Variants in CDH23 observed in about 807,000 individuals in gnomAD.
CDH23 encodes cadherin-23.
Under a neutral mutation model 317.1 loss-of-function variants are expected in CDH23, and 189 were observed. The ratio of observed to expected loss-of-function variants is 0.60; its 90% CI spans 0.53 to 0.67. The LOEUF is 0.67. CDH23 is among the 30% of genes least tolerant of loss of function. The probability of loss-of-function intolerance (pLI) is 0.00; values close to 1 mark genes in which losing one functional copy is unlikely to be tolerated. For synonymous variants in CDH23, 1,839 were observed against 1,876.8 expected, an observed-to-expected ratio of 0.98 and a Z score of 0.52; for missense variants, 4,401 against 4,592.4, an observed-to-expected ratio of 0.96 and a Z score of 1.20.
chr10:71,768,405 A>C (rs1840606942), intron 38 of CDH23, among the ~76,000 whole-genome samples: 1 of 152,038 alleles, frequency 6.6e-6, no homozygotes. Context: ...TCCTGACCTC[A>C]TGTGATCCAC....
At chr10:71,754,598 G>A (rs575313564) in intron 38 of CDH23, among the ~76,000 whole-genome samples, 2 of 152,276 alleles carry the variant, frequency 1.3e-5, no homozygotes, top group Non-Finnish European at 2.9e-5. Context: ...GGAGGTGAAA[G>A]ATGTTTGTGC....
chr10:71,613,868 T>C (rs997862426), intron 9 of CDH23, among the ~76,000 whole-genome samples: 6 of 152,206 alleles, frequency 3.9e-5, no homozygotes, highest in Non-Finnish European at 8.8e-5. Context: ...TCTTCCTCAG[T>C]CCTGCCCATT....
At chr10:71,461,633 A>C (rs1161976375) in intron 3 of CDH23, among the ~76,000 whole-genome samples, 1 of 152,208 alleles carries the variant, frequency 6.6e-6, no homozygotes, top group Non-Finnish European at 1.5e-5. Flanking sequence ...TGCACGGTCC[A>C]TCACCTCACA....
chr10:71,556,316 G>A (rs1856873324), intron 6 of CDH23, among the ~76,000 whole-genome samples: 1 of 152,116 alleles, frequency 6.6e-6, no homozygotes, highest in South Asian at 2.1e-4. Flanking sequence ...AAAGGGAGGA[G>A]GCAGCTGGGC....
At chr10:71,577,228 G>A (rs1858275069) in intron 8 of CDH23, among the ~76,000 whole-genome samples, 4 of 151,992 alleles carry the variant, frequency 2.6e-5, no homozygotes, top group Admixed American at 2.6e-4. Flanking sequence ...CGTTCCCCTG[G>A]CTTCCTATAC....
intron 19 of CDH23, among the ~76,000 whole-genome samples, chr10:71,688,117 G>A (rs139352571): frequency 6.8e-4 from 104 of 152,288 alleles, no homozygotes; most frequent in African/African-American, 2.1e-3. Context: ...GCCTTACAGC[G>A]GGGCATGTGT....
At chr10:71,433,703 G>A (rs926321516) in intron 1 of CDH23, among the ~76,000 whole-genome samples, 2 of 149,426 alleles carry the variant, frequency 1.3e-5, no homozygotes, top group African/African-American at 2.4e-5. Context: ...CTAGCTAATG[G>A]CAATGCCATC....
In CDH23 at chr10:71,712,803, G is replaced by A. The variant is rs1866032147; in HGVS notation, c.3359G>A (p.Ser1120Asn). 1.9e-6 allele frequency: 3 copies of A among 1,611,986 alleles called. No homozygotes were observed. The highest frequency in any genetic ancestry group is 2.5e-6 in the Non-Finnish European group (3 of 1,179,368). Residue 1120 changes from serine (S) to asparagine (N), a missense_variant, in exon 28 of 70, where the codon AGC becomes AAC. By Grantham distance (46) the Ser-to-Asn change is conservative (BLOSUM62 1). Coordinates refer to ENST00000224721, the MANE Select transcript of CDH23 (RefSeq NM_022124.6). ...CCTGAGGACATCCCTGAAGGCCACA[G>A]CATCTTGCAGGCAGGTGGCCCGTGG... ...SVPEDIPEGH[S>N]ILQLKATDAD... is the part of the protein sequence containing the mutation.
At chr10:71,730,654 CCCCAGCTCA>C in intron 31 of CDH23, 50 bp downstream of exon 31, 1 of 1,605,744 alleles carries the variant, frequency 6.2e-7, no homozygotes, top group Non-Finnish European at 8.5e-7. Flanking sequence ...GAGCAAACCT[CCCCAGCTCA>C]CCCAGCCCCT....
chr10:71,706,589 T>A (rs541712439), intron 25 of CDH23, among the ~76,000 whole-genome samples: 14 of 152,338 alleles, frequency 9.2e-5, no homozygotes, highest in African/African-American at 3.4e-4. Flanking sequence ...CCATGGTCGT[T>A]GTTAGGTGCG....
intron 38 of CDH23, among the ~76,000 whole-genome samples, chr10:71,759,046 GT>G (rs568007136): frequency 6.0e-4 from 87 of 145,584 alleles, no homozygotes; most frequent in African/African-American, 8.9e-4. Flanking sequence ...ATTTTGGGTT[GT>G]TTTTTTTTTG....
intron 3 of CDH23, among the ~76,000 whole-genome samples, chr10:71,462,238 T>G (rs1424032827): frequency 1.3e-5 from 2 of 152,222 alleles, no homozygotes; most frequent in Admixed American, 6.5e-5. Flanking sequence ...CCCCGCCTTG[T>G]GTGTTTACAC....
chr10:71,798,592 C>T lies in CDH23; in HGVS notation c.7054+14C>T, dbSNP rs1483314406. The T allele has an allele frequency of 1.3e-6, 2 of 1,590,214 alleles. No homozygotes were observed. Among genetic ancestry groups the T allele is most frequent in the South Asian group, 1.1e-5 (1 of 88,840 alleles). ...ACTCCTCGGCAGGTAGGTTAGAAAT[C>T]TGTCAGAGGAGGGCTGGGGGACATA... is the stretch of plus-strand genomic sequence containing the variant. On this transcript the variant is annotated intron_variant, in intron 50 of 69. Transcript: ENST00000224721.
chr10:71,609,604 G>T (rs1860737665), intron 9 of CDH23, among the ~76,000 whole-genome samples: 1 of 152,160 alleles, frequency 6.6e-6, no homozygotes, highest in African/African-American at 2.4e-5. Context: ...CTCCTTCCCT[G>T]ACTCTGGGCA....
Position 71,798,434 on chromosome 10 carries a change from CG to C in CDH23, c.6912del (p.Ile2305SerfsTer68). 1.2e-6 allele frequency: 2 copies of C among 1,613,890 alleles called. No homozygotes were observed. The highest frequency in any genetic ancestry group is 1.7e-6 in the Non-Finnish European group (2 of 1,179,784). On this transcript the variant is annotated frameshift_variant, in exon 50 of 70. Coordinates refer to ENST00000224721, the MANE Select transcript of CDH23 (RefSeq NM_022124.6). LOFTEE classifies it high-confidence loss of function. ...KPFGITYYME[R>X]ILEGATPGTT... ...CTTTGGGATCACCTACTACATGGAG[CG>C]GATCCTGGAGGGGGCCACCCCTGGG...
At chr10:71,548,671 C>A (rs1005144399) in intron 6 of CDH23, among the ~76,000 whole-genome samples, 2 of 152,186 alleles carry the variant, frequency 1.3e-5, no homozygotes, top group Non-Finnish European at 2.9e-5. Flanking sequence ...GTAGTACAGT[C>A]CTCAGGGTAG....
chr10:71,508,172 A>G (rs754330847), intron 3 of CDH23: 3 of 152,206 alleles, frequency 2.0e-5, no homozygotes, highest in African/African-American at 4.8e-5. Flanking sequence ...GGAGGATTTA[A>G]TGAGAGAATC....
At chr10:71,740,783 A>T in intron 36 of CDH23, 39 bp from the exon 37 acceptor site, 1 of 1,612,610 alleles carries the variant, frequency 6.2e-7, no homozygotes, top group South Asian at 1.1e-5. Flanking sequence ...CCTGCCCGCC[A>T]CGCTTTAGCC....
At chr10:71,785,367 A>G (rs1015073480) in intron 43 of CDH23, among the ~76,000 whole-genome samples, 2 of 152,226 alleles carry the variant, frequency 1.3e-5, no homozygotes, top group Admixed American at 1.3e-4. Context: ...AAGACGCACC[A>G]AAGTTCTCAC....
Sources: gnomAD v4.1 joint callset for allele counts (sites outside exome capture counted in the v4.1 genomes callset) on GRCh38, gnomAD v4.1.1 for gene constraint, MANE v1.5 for transcripts, NCBI Gene and HGNC (gene_info 2026-07-23, HGNC 2026-07-21) for gene names.